SPAG16: variants seen among roughly 807,000 people sequenced by gnomAD.
The protein encoded by SPAG16 is sperm associated antigen 16, also known as sperm-associated antigen 16 protein.
In SPAG16, 86 loss-of-function variants were observed where a neutral mutation model predicts 80.4. The ratio of observed to expected loss-of-function variants is 1.07; its 90% CI spans 0.90 to 1.28. The LOEUF (loss-of-function observed/expected upper bound fraction) is 1.28, where lower values mean the gene tolerates loss of function less well. Among genes scored for constraint, SPAG16 ranks in the 50% most tolerant of loss-of-function variants. The probability of loss-of-function intolerance (pLI) is 0.00; values close to 1 mark genes in which losing one functional copy is unlikely to be tolerated. For missense variants in SPAG16, 870 were observed against 765.3 expected (o/e 1.14, Z -1.61); for synonymous variants, 294 against 265.9 (o/e 1.11, Z -1.03).
intron 10 of SPAG16, among the ~76,000 whole-genome samples, chr2:213,498,114 T>G (rs1244181380): frequency 6.6e-6 from 1 of 152,140 alleles, no homozygotes; most frequent in East Asian, 1.9e-4. Flanking sequence ...TTCACACATG[T>G]ATTCATTATT....
intron 15 of SPAG16, among the ~76,000 whole-genome samples, chr2:214,323,702 T>G (rs1696271629): frequency 6.6e-6 from 1 of 152,212 alleles, no homozygotes; most frequent in East Asian, 1.9e-4. Flanking sequence ...TTTCACAAAT[T>G]GAATTACACT....
rs559997741 is a variant in SPAG16, at chr2:214,056,846, TC to T, written c.1527+42771del. ...AGTTAAGTTTATGGAATGTTCTAAA[TC>T]CTTTGTTGTAATTTCAGCAATGTTC... is the stretch of plus-strand genomic sequence containing the variant. On this transcript the variant is annotated intron_variant, in intron 13 of 15. Transcript: ENST00000331683. 3.3e-5 allele frequency among the ~76,000 whole-genome samples: 5 copies of T among 152,308 alleles called. No homozygotes were observed. In the South Asian group the frequency reaches 1.0e-3, roughly 32 times the overall value.
intron 15 of SPAG16, among the ~76,000 whole-genome samples, chr2:214,399,801 T>C (rs1701605834): frequency 6.6e-6 from 1 of 152,060 alleles, no homozygotes. Flanking sequence ...ATGAATTATG[T>C]TTTGTGATGG....
intron 15 of SPAG16, among the ~76,000 whole-genome samples, chr2:214,230,101 T>G (rs918987986): frequency 1.8e-4 from 27 of 151,984 alleles, no homozygotes; most frequent in African/African-American, 6.5e-4. Flanking sequence ...GCAATGAAAA[T>G]AAAAATTTAA....
At chr2:213,527,958 G>A (rs1447690504) in intron 10 of SPAG16, among the ~76,000 whole-genome samples, 1 of 151,578 alleles carries the variant, frequency 6.6e-6, no homozygotes, top group Non-Finnish European at 1.5e-5. Flanking sequence ...ATGGATGAGA[G>A]GCTTGAAAAA....
At chr2:213,343,943 T>C (rs2064826428) in intron 6 of SPAG16, among the ~76,000 whole-genome samples, 1 of 152,126 alleles carries the variant, frequency 6.6e-6, no homozygotes, top group African/African-American at 2.4e-5. Context: ...ACCTTCCCTA[T>C]TCTGCTAGCT....
At chr2:213,305,866 T>A (rs528304093) in intron 3 of SPAG16, among the ~76,000 whole-genome samples, 1 of 152,238 alleles carries the variant, frequency 6.6e-6, no homozygotes, top group East Asian at 1.9e-4. Flanking sequence ...ATAGAATGAG[T>A]TTTGAAGTAC....
At chr2:213,577,686 G>A (rs2060174407) in intron 10 of SPAG16, among the ~76,000 whole-genome samples, 1 of 152,056 alleles carries the variant, frequency 6.6e-6, no homozygotes, top group Non-Finnish European at 1.5e-5. Flanking sequence ...TATTTACCAA[G>A]CATACTTTAT....
intron 10 of SPAG16, among the ~76,000 whole-genome samples, chr2:213,632,349 T>C (rs918739124): frequency 2.0e-5 from 3 of 152,170 alleles, no homozygotes; most frequent in African/African-American, 7.2e-5. Context: ...ACTGAATTTA[T>C]CAGTTCTAAT....
At chr2:213,992,734 G>A (rs1170029629) in intron 12 of SPAG16, among the ~76,000 whole-genome samples, 1 of 152,028 alleles carries the variant, frequency 6.6e-6, no homozygotes, top group Non-Finnish European at 1.5e-5. Context: ...CCTGATGATT[G>A]GTTTGTAATA....
intron 15 of SPAG16, among the ~76,000 whole-genome samples, chr2:214,203,675 G>A (rs1342987265): frequency 1.3e-5 from 2 of 152,256 alleles, no homozygotes; most frequent in Middle Eastern, 6.8e-3. Context: ...GTGGACACTC[G>A]CGGTCCCCAG....
At chr2:213,419,077 G>A (rs984089387) in intron 9 of SPAG16, among the ~76,000 whole-genome samples, 2 of 152,290 alleles carry the variant, frequency 1.3e-5, no homozygotes, top group Non-Finnish European at 2.9e-5. Context: ...AATAAAAGGG[G>A]TAAACTGTCC....
In SPAG16 at chr2:213,402,955, G is replaced by A. The variant is rs546570392; in HGVS notation, c.942+27836G>A. ...TGGGTATATACCCAGTAATGGGATGGCTGGGTCAAATGGTATTTCTAGTTC... is the reference window on the plus strand; with the variant it reads ...TGGGTATATACCCAGTAATGGGATGACTGGGTCAAATGGTATTTCTAGTTC... On this transcript the variant is annotated intron_variant, in intron 9 of 15. Coordinates refer to ENST00000331683, the MANE Select transcript of SPAG16 (RefSeq NM_024532.5). Among the ~76,000 whole-genome samples the A allele has an allele frequency of 6.1e-3, 932 of 152,148 alleles. 8 individuals carry two copies. Among genetic ancestry groups the A allele is most frequent in the Non-Finnish European group, 9.0e-3 (612 of 68,004 alleles).
chr2:213,377,429 T>G (rs757123515), intron 9 of SPAG16, among the ~76,000 whole-genome samples: 1 of 152,222 alleles, frequency 6.6e-6, no homozygotes, highest in Non-Finnish European at 1.5e-5. Flanking sequence ...CATGAAATTA[T>G]TAGTCAAGTG....
chr2:214,378,563 G>T (rs1700263950), intron 15 of SPAG16, among the ~76,000 whole-genome samples: 1 of 152,176 alleles, frequency 6.6e-6, no homozygotes, highest in African/African-American at 2.4e-5. Flanking sequence ...TATCAGGAAA[G>T]AGCCCACCTT....
chr2:214,220,617 T>G (rs546471184), intron 15 of SPAG16, among the ~76,000 whole-genome samples: 16 of 152,184 alleles, frequency 1.1e-4, no homozygotes, highest in East Asian at 7.7e-4. Flanking sequence ...TGGAATTTGT[T>G]ATAGCTGAAT....
intron 12 of SPAG16, among the ~76,000 whole-genome samples, chr2:214,009,197 T>G (rs1190757019): frequency 6.6e-6 from 1 of 152,096 alleles, no homozygotes; most frequent in Non-Finnish European, 1.5e-5. Flanking sequence ...CACAAACTAC[T>G]GCCATTCCCA....
intron 15 of SPAG16, among the ~76,000 whole-genome samples, chr2:214,291,471 A>G (rs1158897224): frequency 6.7e-6 from 1 of 150,280 alleles, no homozygotes; most frequent in Non-Finnish European, 1.5e-5. Flanking sequence ...ACGCCCAGCT[A>G]ATTTTTTGTA....
chr2:214,296,407 C>A (rs1011478163), intron 15 of SPAG16, among the ~76,000 whole-genome samples: 1 of 152,122 alleles, frequency 6.6e-6, no homozygotes, highest in East Asian at 1.9e-4. Context: ...GGGTAGATAG[C>A]CAGTAGTGAG....
Sources: gnomAD v4.1 joint callset for allele counts (sites outside exome capture counted in the v4.1 genomes callset) on GRCh38, gnomAD v4.1.1 for gene constraint, MANE v1.5 for transcripts, NCBI Gene and HGNC (gene_info 2026-07-23, HGNC 2026-07-21) for gene names.